Variants in POM121C observed in about 807,000 individuals in gnomAD.
POM121C encodes POM121 transmembrane nucleoporin C, also known as nuclear envelope pore membrane protein POM 121C.
POM121C carries 20 observed loss-of-function variants against 66.4 expected under a neutral mutation model. The ratio of observed to expected loss-of-function variants is 0.30; its 90% CI spans 0.21 to 0.44. The LOEUF is 0.44. POM121C is among the 20% of genes least tolerant of loss of function. The pLI, the probability that POM121C is intolerant of heterozygous loss-of-function variation, is 1.00. For synonymous variants in POM121C, 286 were observed against 528.0 expected, an observed-to-expected ratio of 0.54 and a Z score of 6.28; for missense variants, 580 against 1,225.7, an observed-to-expected ratio of 0.47 and a Z score of 7.87.
intron 3 of POM121C, among the ~76,000 whole-genome samples, chr7:75,471,359 C>A (rs1206665778): frequency 6.6e-6 from 1 of 151,898 alleles, no homozygotes; most frequent in Non-Finnish European, 1.5e-5. Flanking sequence ...CAGGCGTGCA[C>A]CACCACGCCT....
chr7:75,433,533 A>G (rs1790273628), intron 7 of POM121C, among the ~76,000 whole-genome samples: 1 of 151,832 alleles, frequency 6.6e-6, no homozygotes, highest in Non-Finnish European at 1.5e-5. Flanking sequence ...TTTTTAAAAA[A>G]TATTCCTAAT....
chr7:75,460,189 G>GT (rs1554476818), intron 3 of POM121C, among the ~76,000 whole-genome samples: 3 of 142,928 alleles, frequency 2.1e-5, no homozygotes, highest in South Asian at 2.2e-4. Context: ...GTTGGAATCT[G>GT]TTTTTTTAAA....
intron 7 of POM121C, among the ~76,000 whole-genome samples, chr7:75,435,144 T>C (rs587687235): frequency 6.8e-4 from 103 of 152,288 alleles, no homozygotes; most frequent in Non-Finnish European, 1.2e-3. Context: ...GCAGCATTAT[T>C]TGTGATAGCA....
rs1165388055 is a variant in POM121C at position 75,455,203 on chromosome 7, C to A, written c.-151-13556G>T. Among the ~76,000 whole-genome samples the A allele has an allele frequency of 2.6e-5, 4 of 152,186 alleles. No individual in the cohort carries two copies. In the East Asian group the frequency reaches 7.7e-4, roughly 29 times the overall value. ...CTGTAGGCATGTACCACTGATGACA[C>A]GGACACTGAATTACCCGCCGTGCTG... On this transcript the variant is annotated intron_variant, in intron 3 of 14. Transcript: ENST00000615331.
intron 3 of POM121C, among the ~76,000 whole-genome samples, chr7:75,446,927 G>T (rs587653667): frequency 0.014 from 1,893 of 139,104 alleles, 50 homozygotes; most frequent in African/African-American, 0.047. Flanking sequence ...AGAATGGCGT[G>T]AACCCGGGAG....
intron 3 of POM121C, among the ~76,000 whole-genome samples, chr7:75,460,081 A>G (rs2116476976): frequency 7.4e-6 from 1 of 135,788 alleles, no homozygotes; most frequent in Non-Finnish European, 1.6e-5. Flanking sequence ...AAAGGGAAAC[A>G]GGTATAAAAA....
At chr7:75,428,336 C>T (rs1790037696) in intron 7 of POM121C, among the ~76,000 whole-genome samples, 2 of 152,196 alleles carry the variant, frequency 1.3e-5, no homozygotes, top group Admixed American at 6.5e-5. Context: ...GATGGGGTTT[C>T]ACCATGTTGG....
intron 1 of POM121C, among the ~76,000 whole-genome samples, chr7:75,485,165 T>C (rs28517783): frequency 6.6e-6 from 1 of 152,184 alleles, no homozygotes; most frequent in Non-Finnish European, 1.5e-5. Context: ...TATTGTCTCT[T>C]TAAACTGCTT....
In POM121C at chr7:75,441,613, T is replaced by C; in HGVS notation, c.-117A>G. 2 of 1,575,102 alleles carry C rather than the reference T, an allele frequency of 1.3e-6. No homozygotes were observed. The highest frequency in any genetic ancestry group is 1.7e-6 in the Non-Finnish European group (2 of 1,159,664). On this transcript the variant is annotated 5_prime_UTR_variant, in exon 4 of 15. Transcript: ENST00000615331. ...TGGATCGGATAGCGTCTTCGAGGTG[T>C]TATTACAAACCGATCTGGTAAAGTC...
intron 1 of POM121C, among the ~76,000 whole-genome samples, chr7:75,479,825 A>G (rs1188932659): frequency 1.3e-5 from 2 of 152,152 alleles, no homozygotes; most frequent in Non-Finnish European, 2.9e-5. Flanking sequence ...TGACAATTAA[A>G]GTTGCATACT....
chr7:75,457,717 CAGTG>C (rs1554476487), intron 3 of POM121C, among the ~76,000 whole-genome samples: 2 of 152,224 alleles, frequency 1.3e-5, no homozygotes, highest in African/African-American at 2.4e-5. Flanking sequence ...CTCTCAAAGA[CAGTG>C]AGGAGCTAGA....
chr7:75,436,605 C>T (rs1554473052), intron 7 of POM121C, among the ~76,000 whole-genome samples: 2 of 152,186 alleles, frequency 1.3e-5, no homozygotes, highest in East Asian at 1.9e-4. Flanking sequence ...TTTCTCCTTA[C>T]ATGCTTTACA....
intron 3 of POM121C, among the ~76,000 whole-genome samples, chr7:75,463,094 G>A (rs1228280209): frequency 5.3e-5 from 8 of 152,242 alleles, no homozygotes; most frequent in East Asian, 1.9e-4. Flanking sequence ...AGGCTGAGGC[G>A]GGTAGATCAC....
At chr7:75,443,012 C>T (rs1790721543) in intron 3 of POM121C, among the ~76,000 whole-genome samples, 1 of 152,174 alleles carries the variant, frequency 6.6e-6, no homozygotes, top group South Asian at 2.1e-4. Context: ...GACCCGAGAC[C>T]TATGCTTATG....
intron 5 of POM121C, 118 bp downstream of exon 5, chr7:75,440,836 G>A: frequency 6.5e-7 from 1 of 1,532,820 alleles, no homozygotes; most frequent in Non-Finnish European, 8.9e-7. Flanking sequence ...GCCAAAGAAG[G>A]AGGCCTATGA....
rs1554470780 is a variant in POM121C, at chr7:75,422,030, G to T, written c.2222C>A (p.Ala741Asp). 7.5e-6 allele frequency: 12 copies of T among 1,607,136 alleles called. No individual in the cohort carries two copies. Among genetic ancestry groups the T allele is most frequent in the Non-Finnish European group, 1.0e-5 (12 of 1,176,484 alleles). The change falls in exon 13 of 15, where the codon GCT becomes GAT. Residue 741 changes from alanine to aspartate, a missense_variant. Coordinates refer to ENST00000615331, the MANE Select transcript of POM121C (RefSeq NM_001099415.3). ...CGCAGGTGCAGGTGTGGGTGCAGTA[G>T]CCGGGGCCGGGGCTGCAGAGTTTCC... ...TFGNSAAPAPATAPTPAPAST... is the reference protein window; with the variant it reads ...TFGNSAAPAPDTAPTPAPAST...
chr7:75,429,556 G>A (rs1456443706), intron 7 of POM121C, among the ~76,000 whole-genome samples: 7 of 152,180 alleles, frequency 4.6e-5, no homozygotes, highest in African/African-American at 1.2e-4. Flanking sequence ...ACTTGAACCC[G>A]GGAGGTGGAG....
At chr7:75,476,722 A>T (rs1182119064) in intron 1 of POM121C, among the ~76,000 whole-genome samples, 2 of 152,212 alleles carry the variant, frequency 1.3e-5, no homozygotes, top group African/African-American at 2.4e-5. Context: ...ATTACATGTC[A>T]ATACCACTTA....
At chr7:75,450,770 C>T (rs1790996129) in intron 3 of POM121C, among the ~76,000 whole-genome samples, 1 of 152,224 alleles carries the variant, frequency 6.6e-6, no homozygotes, top group African/African-American at 2.4e-5. Context: ...CTCACAAATA[C>T]ATAGCAAATA....
Sources: gnomAD v4.1 joint callset for allele counts (sites outside exome capture counted in the v4.1 genomes callset) on GRCh38, gnomAD v4.1.1 for gene constraint, MANE v1.5 for transcripts, NCBI Gene and HGNC (gene_info 2026-07-23, HGNC 2026-07-21) for gene names.